TMPO: variants seen among roughly 807,000 people sequenced by gnomAD.
The protein encoded by TMPO is thymopoietin, also known as LEM domain containing 4.
In TMPO, 22 loss-of-function variants were observed where a neutral mutation model predicts 45.4. That is an observed-to-expected ratio of 0.48 (90% CI 0.35 to 0.69). The LOEUF (loss-of-function observed/expected upper bound fraction) is 0.69. Ranked by LOEUF, TMPO falls within the 30% of genes least tolerant of loss-of-function variation. The pLI, the probability that TMPO is intolerant of heterozygous loss-of-function variation, is 0.01. For synonymous variants in TMPO, 241 were observed against 204.1 expected (o/e 1.18, Z -1.54); for missense variants, 512 against 548.8 (o/e 0.93, Z 0.67).
chr12:98,544,694 A>G, intron 6 of TMPO, 157 bp downstream of exon 6: 1 of 686,864 alleles, frequency 1.5e-6, no homozygotes, highest in Non-Finnish European at 2.5e-6. Flanking sequence ...TGAATTTTAG[A>G]ATTTTCCTAT....
At chr12:98,536,849 C>T (rs1035865668) in intron 3 of TMPO, among the ~76,000 whole-genome samples, 1 of 152,072 alleles carries the variant, frequency 6.6e-6, no homozygotes, top group South Asian at 2.1e-4. Flanking sequence ...AGGACTGGGA[C>T]GAGAAGTGAC....
intron 2 of TMPO, among the ~76,000 whole-genome samples, chr12:98,530,738 G>C (rs1035598937): frequency 6.6e-6 from 1 of 152,154 alleles, no homozygotes; most frequent in Non-Finnish European, 1.5e-5. Flanking sequence ...TAGAGTTGTG[G>C]AAATTTAATC....
Position 98,546,448 on chromosome 12 carries a change from G to T in TMPO, c.1079+1G>T. 1 of 1,576,624 alleles carries T rather than the reference G, an allele frequency of 6.3e-7. No homozygotes were observed. The highest frequency in any genetic ancestry group is 8.7e-7 in the Non-Finnish European group (1 of 1,146,976). On this transcript the variant is annotated splice_donor_variant, in intron 8 of 8. Coordinates refer to ENST00000556029, the MANE Select transcript of TMPO (RefSeq NM_001032283.3). LOFTEE classifies it high-confidence loss of function. Reference sequence around the variant, plus strand: ...AAGCATCTACACCAACAGGAATTAGGTATTCAGATACATTTAAACAAGTAC... The same window carrying T: ...AAGCATCTACACCAACAGGAATTAGTTATTCAGATACATTTAAACAAGTAC...
At chr12:98,546,010 G>GT (rs1300911151) in intron 7 of TMPO, among the ~76,000 whole-genome samples, 1 of 152,218 alleles carries the variant, frequency 6.6e-6, no homozygotes, top group African/African-American at 2.4e-5. Context: ...TGGGATTACA[G>GT]GCGTGAGCCA....
At chr12:98,543,025 A>G (rs1878014171) in intron 4 of TMPO, among the ~76,000 whole-genome samples, 1 of 152,216 alleles carries the variant, frequency 6.6e-6, no homozygotes. Flanking sequence ...TATAATATCA[A>G]TTCCAAATAT....
chr12:98,516,495 G>A (rs890560941), intron 1 of TMPO: 4 of 1,092,868 alleles, frequency 3.7e-6, no homozygotes, highest in Admixed American at 5.2e-5. Flanking sequence ...AAGCTCTGGA[G>A]GGGTGGCCCC....
At chr12:98,536,468 C>G (rs1318761200) in intron 3 of TMPO, among the ~76,000 whole-genome samples, 1 of 152,074 alleles carries the variant, frequency 6.6e-6, no homozygotes, top group East Asian at 1.9e-4. Flanking sequence ...ATTCTCCTGC[C>G]TTAGCCTCCT....
intron 3 of TMPO, among the ~76,000 whole-genome samples, chr12:98,536,717 G>C (rs1460573734): frequency 6.6e-6 from 1 of 152,222 alleles, no homozygotes; most frequent in East Asian, 1.9e-4. Flanking sequence ...TTTAAGACTA[G>C]GAGACTGGAA....
chr12:98,519,487 C>T (rs531207291), intron 1 of TMPO, among the ~76,000 whole-genome samples: 2 of 152,282 alleles, frequency 1.3e-5, no homozygotes, highest in East Asian at 1.9e-4. Flanking sequence ...GGATGAGCGA[C>T]GGCACCCAGC....
intron 3 of TMPO, 24 bp downstream of exon 3, chr12:98,531,862 C>T (rs1356094424): frequency 6.3e-7 from 1 of 1,597,532 alleles, no homozygotes. Flanking sequence ...TGATGTTAAT[C>T]AAATGTATGG....
chr12:98,539,471 C>CTT (rs398039980), intron 4 of TMPO, among the ~76,000 whole-genome samples: 12,583 of 123,294 alleles, frequency 0.1, 885 homozygotes, highest in South Asian at 0.14. Context: ...TTTTAAATTA[C>CTT]TTTTTTTTTT....
chr12:98,547,845 G>A lies in TMPO; in HGVS notation c.1352G>A (p.Arg451Lys). Residue 451 changes from arginine (R) to lysine (K), a missense_variant, in exon 9 of 9, where the codon AGA becomes AAA. Physicochemically the swap from Arg to Lys is conservative, Grantham distance 26. Coordinates refer to ENST00000556029, the MANE Select transcript of TMPO (RefSeq NM_001032283.3). Reference sequence around the variant, plus strand: ...TCTAATTTTCTTCATGTTGACCCTAGAAAATCCAACTGAATGGTATCTCTT... The same window carrying A: ...TCTAATTTTCTTCATGTTGACCCTAAAAAATCCAACTGAATGGTATCTCTT... The part of the protein sequence containing the change: ...PFSNFLHVDP[R>K]KSN The A allele has an allele frequency of 6.2e-7, 1 of 1,613,998 alleles. No individual in the cohort carries two copies. Among genetic ancestry groups the A allele is most frequent in the Non-Finnish European group, 8.5e-7 (1 of 1,179,998 alleles).
chr12:98,533,145 T>C, intron 3 of TMPO: 1 of 1,614,182 alleles, frequency 6.2e-7, no homozygotes, highest in Non-Finnish European at 8.5e-7. Flanking sequence ...CGTCATCTTC[T>C]CAGCCTGAAC....
chr12:98,532,674 T>C (rs1877278436), intron 3 of TMPO: 1 of 1,048,340 alleles, frequency 9.5e-7, no homozygotes, highest in African/African-American at 1.6e-5. Flanking sequence ...CAATAAGCTT[T>C]GTCTACCAGG....
chr12:98,544,149 G>T, intron 4 of TMPO, 81 bp from the exon 5 acceptor site: 3 of 1,502,990 alleles, frequency 2.0e-6, no homozygotes, highest in Non-Finnish European at 1.8e-6. Context: ...CTATTTCATG[G>T]CTTCTCAGTG....
chr12:98,533,639 C>T, intron 3 of TMPO: 1 of 1,614,182 alleles, frequency 6.2e-7, no homozygotes, highest in African/African-American at 1.3e-5. Context: ...TCTTCTTTTG[C>T]CAAAACTGTT....
At chr12:98,546,086 C>G (rs925138734) in intron 7 of TMPO, among the ~76,000 whole-genome samples, 1 of 152,094 alleles carries the variant, frequency 6.6e-6, no homozygotes, top group African/African-American at 2.4e-5. Flanking sequence ...ATTAGCATTG[C>G]CATGTTAGAT....
rs573516535 is a variant in TMPO at position 98,535,464 on chromosome 12, C to T, written c.566-2011C>T. The stretch of plus-strand genomic sequence containing the variant: ...TGGGTACTCCCTCTGGCCATTACCA[C>T]ATTCTTAGATTATATGTGTCCATCT... On this transcript the variant is annotated intron_variant, in intron 3 of 8. Coordinates refer to ENST00000556029, the MANE Select transcript of TMPO (RefSeq NM_001032283.3). 92 of 985,256 alleles carry T rather than the reference C, an allele frequency of 9.3e-5. No homozygotes were observed. In the African/African-American group the frequency reaches 1.4e-3, roughly 15 times the overall value. The allele number at this position is 985,256 out of a possible 1,614,324, so 61.0% of individuals were successfully genotyped here.
intron 3 of TMPO, chr12:98,533,289 G>T: frequency 4.3e-6 from 7 of 1,614,008 alleles, no homozygotes; most frequent in Admixed American, 1.7e-5. Context: ...GTCCTGAGAG[G>T]TCCCATATTT....
Sources: gnomAD v4.1 joint callset for allele counts (sites outside exome capture counted in the v4.1 genomes callset) on GRCh38, gnomAD v4.1.1 for gene constraint, MANE v1.5 for transcripts, NCBI Gene and HGNC (gene_info 2026-07-23, HGNC 2026-07-21) for gene names.